The following TENM1 variants were observed in gnomAD, a reference collection of about 807,000 sequenced individuals.
The protein encoded by TENM1 is teneurin transmembrane protein 1.
Under a neutral mutation model 174.8 loss-of-function variants are expected in TENM1, and 35 were observed. The ratio of observed to expected loss-of-function variants is 0.20; its 90% CI spans 0.15 to 0.27. TENM1 has a LOEUF of 0.27. Among genes scored for constraint, TENM1 ranks in the 10% least tolerant of loss-of-function variants. The pLI is 1.00. For missense variants in TENM1, 1,633 were observed against 2,130.1 expected (o/e 0.77, Z 4.59); for synonymous variants, 781 against 798.7 (o/e 0.98, Z 0.37).
intron 3 of TENM1, among the ~76,000 whole-genome samples, chrX:124,833,696 GC>G (rs1317353796): frequency 9.0e-6 from 1 of 111,270 alleles, no homozygotes; most frequent in Non-Finnish European, 1.9e-5. Flanking sequence ...TGAGAAACAA[GC>G]CATTTATATC....
At chrX:125,179,937 T>G in the TENM1 span, among the ~76,000 whole-genome samples, 1 of 104,862 alleles carries the variant, frequency 9.5e-6, no homozygotes, top group Admixed American at 1.1e-4. Flanking sequence ...CTAACTGGTT[T>G]ATTGGTCTTC....
the TENM1 span, among the ~76,000 whole-genome samples, chrX:124,991,164 G>A: frequency 9.0e-6 from 1 of 110,998 alleles, no homozygotes; most frequent in Non-Finnish European, 1.9e-5. Context: ...GGTGATATGA[G>A]AGAAAGGCAA....
intron 3 of TENM1, among the ~76,000 whole-genome samples, chrX:124,779,581 T>TTACTTTTACCCATTATA (rs1362035442): frequency 8.9e-6 from 1 of 111,899 alleles, no homozygotes. Context: ...TATCTCACCT[T>TTACTTTTACCCATTATA]TACTTTTACC....
chrX:124,691,455 C>G lies in TENM1; in HGVS notation c.1015+13558G>C, dbSNP rs2052520704. ...CACTAAGACGTCATTTCTAACCTGT[C>G]AAACTGACGATTCAAAAGCTTGCAG... On this transcript the variant is annotated intron_variant, in intron 5 of 31. Coordinates refer to ENST00000422452, the Ensembl canonical transcript of TENM1. Among the ~76,000 whole-genome samples the G allele has an allele frequency of 1.8e-5, 2 of 112,137 alleles. 1 individual carries two copies. Among genetic ancestry groups the G allele is most frequent in the South Asian group, 7.4e-4 (2 of 2,714 alleles).
intron 3 of TENM1, among the ~76,000 whole-genome samples, chrX:124,760,778 A>T (rs2054390791): frequency 9.0e-6 from 1 of 111,012 alleles, no homozygotes; most frequent in Non-Finnish European, 1.9e-5. Flanking sequence ...ATAGGAGAAA[A>T]TTTTTGCAAT....
intron 1 of TENM1, among the ~76,000 whole-genome samples, chrX:124,934,782 C>A (rs1051944615): frequency 9.0e-6 from 1 of 111,037 alleles, no homozygotes; most frequent in Non-Finnish European, 1.9e-5. Context: ...ATTGGTTTGC[C>A]CAGTGGAAGA....
chrX:124,940,317 T>C (rs1350240653), intron 1 of TENM1, among the ~76,000 whole-genome samples: 2 of 111,942 alleles, frequency 1.8e-5, no homozygotes, highest in Non-Finnish European at 3.8e-5. Context: ...GTATGAGCCA[T>C]GTTTCACACT....
chrX:124,901,937 TAAAGG>T (rs1318852461), intron 1 of TENM1, among the ~76,000 whole-genome samples: 2 of 111,516 alleles, frequency 1.8e-5, no homozygotes, highest in Non-Finnish European at 3.8e-5. Context: ...ATTTCCAAAA[TAAAGG>T]AGAGGGGGGA....
intron 18 of TENM1, 137 bp downstream of exon 21, chrX:124,520,380 T>C: frequency 1.6e-6 from 1 of 611,270 alleles, no homozygotes; most frequent in Non-Finnish European, 2.5e-6. Context: ...CTCAAGGTAG[T>C]GTTTAAATTA....
intron 1 of TENM1, among the ~76,000 whole-genome samples, chrX:124,912,029 C>T (rs779947319): frequency 7.2e-5 from 8 of 111,857 alleles, no homozygotes; most frequent in Non-Finnish European, 1.3e-4. Flanking sequence ...AAAATCCCTG[C>T]CGTCATGGAA....
rs189804215 is a variant in TENM1, at chrX:124,539,457, C to T, written c.2651+7417G>A. 5.6e-4 allele frequency among the ~76,000 whole-genome samples: 63 copies of T among 111,830 alleles called. 1 individual carries two copies. Among genetic ancestry groups the T allele is most frequent in the African/African-American group, 1.9e-3 (60 of 30,837 alleles). On this transcript the variant is annotated intron_variant, in intron 15 of 31. Transcript: ENST00000422452. ...CTGTATGGGGAAGAGATTTTGTCCA[C>T]TATAACCCAGAGCTTAGAAGAGTAC...
At chrX:124,711,316 T>C (rs1359118123) in intron 4 of TENM1, among the ~76,000 whole-genome samples, 1 of 112,146 alleles carries the variant, frequency 8.9e-6, no homozygotes, top group Non-Finnish European at 1.9e-5. Flanking sequence ...GTGCTCTCTA[T>C]TTTTAAACCC....
At chrX:125,040,759 C>T in the TENM1 span, among the ~76,000 whole-genome samples, 1 of 110,937 alleles carries the variant, frequency 9.0e-6, no homozygotes, top group Non-Finnish European at 1.9e-5. Flanking sequence ...ATCTATTTTG[C>T]AATATATAAC....
At chrX:124,408,419 C>A (rs2147690795) in intron 25 of TENM1, among the ~76,000 whole-genome samples, 1 of 111,908 alleles carries the variant, frequency 8.9e-6, no homozygotes, top group South Asian at 3.8e-4. Context: ...GCTGGTATTA[C>A]AGGCGTGAGC....
intron 1 of TENM1, among the ~76,000 whole-genome samples, chrX:124,959,011 T>C (rs2058617985): frequency 9.0e-6 from 1 of 111,537 alleles, no homozygotes; most frequent in African/African-American, 3.3e-5. Flanking sequence ...TTTGTTTGCA[T>C]TCATCCTTCC....
chrX:124,388,032 G>GT (rs1282086185), intron 28 of TENM1, among the ~76,000 whole-genome samples: 2 of 112,374 alleles, frequency 1.8e-5, no homozygotes, highest in Non-Finnish European at 3.8e-5. Context: ...GGGGGCAGGG[G>GT]TGGAAAAGCT....
chrX:124,581,455 G>T (rs1569320810), intron 11 of TENM1, among the ~76,000 whole-genome samples: 1 of 111,056 alleles, frequency 9.0e-6, no homozygotes, highest in African/African-American at 3.3e-5. Flanking sequence ...AGGCATCTAA[G>T]TGATCTCAAG....
intron 4 of TENM1, among the ~76,000 whole-genome samples, chrX:124,714,937 T>G (rs2053144156): frequency 8.9e-6 from 1 of 111,782 alleles, no homozygotes. Context: ...TAGATCCATG[T>G]TCTGTTAACC....
chrX:124,575,445 A>G (rs1342516972), intron 11 of TENM1, among the ~76,000 whole-genome samples: 1 of 112,103 alleles, frequency 8.9e-6, no homozygotes, highest in Non-Finnish European at 1.9e-5. Context: ...AAATAGCAAC[A>G]TACAAGCAGC....
Sources: allele counts gnomAD v4.1 joint callset (sites outside exome capture counted in the v4.1 genomes callset), GRCh38; gene constraint gnomAD v4.1.1; transcripts MANE v1.5; gene names NCBI Gene and HGNC (gene_info 2026-07-23, HGNC 2026-07-21).